The following DACH2 variants were observed in gnomAD, a reference collection of about 807,000 sequenced individuals.
DACH2 encodes the protein dachshund family transcription factor 2, also known as dachshund homolog 2.
A neutral mutation model predicts 35.8 loss-of-function variants in DACH2; 17 were observed. The observed-to-expected ratio is 0.48, with a 90% CI of 0.33 to 0.71. The LOEUF is 0.71. Among genes scored for constraint, DACH2 ranks in the 30% least tolerant of loss-of-function variants. The probability of loss-of-function intolerance (pLI) is 0.02; values close to 1 mark genes in which losing one functional copy is unlikely to be tolerated. For synonymous variants in DACH2, 195 were observed against 177.3 expected (o/e 1.10, Z -0.79); for missense variants, 469 against 472.7 (o/e 0.99, Z 0.07).
chrX:86,754,546 A>G (rs2041807980), intron 7 of DACH2, among the ~76,000 whole-genome samples: 3 of 110,950 alleles, frequency 2.7e-5, no homozygotes, highest in African/African-American at 9.8e-5. Context: ...GGTTGTACTC[A>G]TTGTAGCCAA....
chrX:86,318,456 T>C (rs2034954334), intron 1 of DACH2, among the ~76,000 whole-genome samples: 1 of 111,745 alleles, frequency 8.9e-6, no homozygotes, highest in South Asian at 3.7e-4. Context: ...AAATTGTCTG[T>C]AAATGACAAA....
At chrX:86,665,831 A>C (rs768665939) in intron 4 of DACH2, among the ~76,000 whole-genome samples, 29 of 111,001 alleles carry the variant, frequency 2.6e-4, no homozygotes, top group Non-Finnish European at 5.1e-4. Context: ...AATGAATAGC[A>C]AAAATTTATA....
At chrX:86,262,813 C>A (rs1484768391) in intron 1 of DACH2, among the ~76,000 whole-genome samples, 1 of 111,952 alleles carries the variant, frequency 8.9e-6, no homozygotes, top group Non-Finnish European at 1.9e-5. Context: ...GACTTTGCAA[C>A]ATGTACATGA....
At chrX:86,538,095 T>G (rs779490493) in intron 3 of DACH2, among the ~76,000 whole-genome samples, 1 of 111,234 alleles carries the variant, frequency 9.0e-6, no homozygotes, top group African/African-American at 3.3e-5. Context: ...TAAAAAGCTT[T>G]ATTGCTCACA....
chrX:86,362,077 A>C (rs1467519206), intron 1 of DACH2, among the ~76,000 whole-genome samples: 4 of 111,538 alleles, frequency 3.6e-5, no homozygotes, highest in Non-Finnish European at 7.6e-5. Context: ...ATTATATCCC[A>C]AAAATCCTTA....
At chrX:86,372,706 T>A (rs1300501898) in intron 1 of DACH2, among the ~76,000 whole-genome samples, 1 of 111,071 alleles carries the variant, frequency 9.0e-6, no homozygotes, top group African/African-American at 3.3e-5. Context: ...GGGGTACGTG[T>A]GCAAGTTTGT....
chrX:86,635,082 T>C (rs5923577), intron 3 of DACH2, among the ~76,000 whole-genome samples: 28,196 of 110,290 alleles, frequency 0.26, 3,626 homozygotes, highest in Middle Eastern at 0.42. Flanking sequence ...AACTTCAGGC[T>C]AATACCTTTG....
chrX:86,380,376 C>A (rs2036028775), intron 2 of DACH2, among the ~76,000 whole-genome samples: 1 of 109,683 alleles, frequency 9.1e-6, no homozygotes. Context: ...TTATAACCGG[C>A]CAAATGGAAT....
chrX:86,261,045 T>G (rs2033615989), intron 1 of DACH2, among the ~76,000 whole-genome samples: 1 of 112,070 alleles, frequency 8.9e-6, no homozygotes, highest in Admixed American at 9.5e-5. Context: ...GTAGACAGAG[T>G]TGATTACTTC....
chrX:86,750,214 T>A (rs1305972207), intron 7 of DACH2, among the ~76,000 whole-genome samples: 2 of 111,283 alleles, frequency 1.8e-5, no homozygotes, highest in Non-Finnish European at 3.8e-5. Context: ...TTGAATATTA[T>A]GTGATTGGTG....
At chrX:86,720,500 C>T (rs2041392198) in intron 6 of DACH2, among the ~76,000 whole-genome samples, 1 of 111,881 alleles carries the variant, frequency 8.9e-6, no homozygotes, top group African/African-American at 3.2e-5. Context: ...CCTTAAAGTT[C>T]CCTAACAATA....
intron 1 of DACH2, among the ~76,000 whole-genome samples, chrX:86,319,640 A>G (rs2034980258): frequency 8.9e-6 from 1 of 112,159 alleles, no homozygotes; most frequent in South Asian, 3.6e-4. Context: ...TCTGACCTGT[A>G]TAATTTAGAC....
At chrX:86,767,155 T>A (rs1278049150) in intron 7 of DACH2, among the ~76,000 whole-genome samples, 1 of 112,018 alleles carries the variant, frequency 8.9e-6, no homozygotes, top group Non-Finnish European at 1.9e-5. Context: ...AGGGATTTAA[T>A]TGACCATAGA....
At chrX:86,161,346 A>G (rs2030748533) in intron 1 of DACH2, 1 of 1,096,365 alleles carries the variant, frequency 9.1e-7, no homozygotes. Flanking sequence ...TGTCCCTGTA[A>G]TCACGTTCTT....
intron 3 of DACH2, among the ~76,000 whole-genome samples, chrX:86,619,689 G>A (rs1386877677): frequency 1.8e-5 from 2 of 111,520 alleles, no homozygotes; most frequent in Non-Finnish European, 3.8e-5. Flanking sequence ...TTTTTCCCAC[G>A]CAAACTGTGC....
At chrX:86,491,764 G>A (rs777380277) in intron 2 of DACH2, among the ~76,000 whole-genome samples, 58 of 111,738 alleles carry the variant, frequency 5.2e-4, no homozygotes, top group Non-Finnish European at 1.0e-3. Flanking sequence ...AATACTAAAA[G>A]CAGCAAAACT....
chrX:86,810,447 C>T (rs766347349), intron 7 of DACH2, among the ~76,000 whole-genome samples: 61 of 111,408 alleles, frequency 5.5e-4, no homozygotes, highest in Non-Finnish European at 8.1e-4. Flanking sequence ...GTTATAACTT[C>T]GTAGCACTTC....
intron 3 of DACH2, among the ~76,000 whole-genome samples, chrX:86,564,172 C>T (rs745866745): frequency 9.0e-6 from 1 of 111,083 alleles, no homozygotes; most frequent in Non-Finnish European, 1.9e-5. Context: ...TATTTGCTAT[C>T]ATTTATAAAT....
At chrX:86,378,472 G>A (rs2035999938) in intron 2 of DACH2, among the ~76,000 whole-genome samples, 1 of 110,448 alleles carries the variant, frequency 9.1e-6, no homozygotes, top group African/African-American at 3.3e-5. Context: ...CCAAAGTGGT[G>A]GCTGTTACTC....
Sources: gnomAD v4.1 joint callset for allele counts (sites outside exome capture counted in the v4.1 genomes callset) on GRCh38, gnomAD v4.1.1 for gene constraint, MANE v1.5 for transcripts, NCBI Gene and HGNC (gene_info 2026-07-23, HGNC 2026-07-21) for gene names.